The following ATG7 variants were observed in gnomAD, a reference collection of about 807,000 sequenced individuals.
The protein encoded by ATG7 is autophagy related 7, also known as ubiquitin-like modifier-activating enzyme ATG7.
In ATG7, 70 loss-of-function variants were observed where a neutral mutation model predicts 82.4. That is an observed-to-expected ratio of 0.85 (90% confidence interval 0.70 to 1.04). The LOEUF (loss-of-function observed/expected upper bound fraction) is 1.04. ATG7 is among the 50% of genes least tolerant of loss of function. The pLI is 0.00. For synonymous variants in ATG7, 287 were observed against 313.0 expected, an observed-to-expected ratio of 0.92 and a Z score of 0.88; for missense variants, 792 against 864.3, an observed-to-expected ratio of 0.92 and a Z score of 1.05.
intron 20 of ATG7, among the ~76,000 whole-genome samples, chr3:11,546,808 C>T (rs2071333264): frequency 6.6e-6 from 1 of 152,208 alleles, no homozygotes; most frequent in Non-Finnish European, 1.5e-5. Context: ...TGCCCTCTTC[C>T]ATTGCAGGGC....
chr3:11,464,174 C>A (rs1345253989), intron 20 of ATG7, among the ~76,000 whole-genome samples: 1 of 152,148 alleles, frequency 6.6e-6, no homozygotes, highest in Non-Finnish European at 1.5e-5. Flanking sequence ...GAGTTTGAGA[C>A]TAGCCTGGGC....
chr3:11,540,385 T>C (rs1454930871), intron 20 of ATG7, among the ~76,000 whole-genome samples: 2 of 152,226 alleles, frequency 1.3e-5, no homozygotes, highest in Non-Finnish European at 1.5e-5. Context: ...TTCTTTCAAA[T>C]CTTTTGCCCA....
At chr3:11,339,957 G>C (rs1953251247) in intron 11 of ATG7, among the ~76,000 whole-genome samples, 1 of 152,186 alleles carries the variant, frequency 6.6e-6, no homozygotes, top group African/African-American at 2.4e-5. Context: ...TTAGCTACAG[G>C]ATCCTTATCC....
At chr3:11,315,850 C>T (rs1408305330) in intron 9 of ATG7, among the ~76,000 whole-genome samples, 7 of 152,282 alleles carry the variant, frequency 4.6e-5, no homozygotes, top group South Asian at 4.2e-4. Flanking sequence ...GTCAGCCTCC[C>T]GAGTAGCTGG....
At chr3:11,548,028 G>GA (rs1326878075) in intron 20 of ATG7, among the ~76,000 whole-genome samples, 5 of 152,002 alleles carry the variant, frequency 3.3e-5, no homozygotes, top group African/African-American at 1.2e-4. Flanking sequence ...TTTTTTGATA[G>GA]AGACAGGATT....
At chr3:11,405,865 C>T (rs575242217) in intron 19 of ATG7, among the ~76,000 whole-genome samples, 60 of 152,092 alleles carry the variant, frequency 3.9e-4, no homozygotes, top group South Asian at 8.3e-4. Flanking sequence ...AGACATCCAC[C>T]GCCTTGGCCT....
chr3:11,445,929 ATTC>A (rs1467554251), intron 20 of ATG7, among the ~76,000 whole-genome samples: 1 of 152,040 alleles, frequency 6.6e-6, no homozygotes, highest in Non-Finnish European at 1.5e-5. Flanking sequence ...ACTTATTTGG[ATTC>A]TTCTTTTCTG....
the ATG7 span, among the ~76,000 whole-genome samples, chr3:11,568,133 G>A: frequency 6.6e-6 from 1 of 152,338 alleles, no homozygotes; most frequent in South Asian, 2.1e-4. This position sits in a 1 kb window ranked among gnomAD's most constrained non-coding sequence, Gnocchi z 5.9. Flanking sequence ...CTGGATCCGG[G>A]CAAGGATAAA....
At chr3:11,488,366 CCGGCGCGG>C in intron 20 of ATG7, 1 of 950,738 alleles carries the variant, frequency 1.1e-6, no homozygotes, top group Non-Finnish European at 1.4e-6. Context: ...GCGGCACTCG[CCGGCGCGG>C]CGGCAAAGAC....
intron 20 of ATG7, among the ~76,000 whole-genome samples, chr3:11,551,810 G>A (rs1169464994): frequency 6.6e-6 from 1 of 151,884 alleles, no homozygotes; most frequent in Non-Finnish European, 1.5e-5. Flanking sequence ...GTATAGTGGT[G>A]CGATCTCAGC....
chr3:11,419,168 TAA>T (rs2081696701), intron 19 of ATG7, among the ~76,000 whole-genome samples: 1 of 152,202 alleles, frequency 6.6e-6, no homozygotes, highest in South Asian at 2.1e-4. Flanking sequence ...AAGAAGTTAA[TAA>T]AAACTTCATG....
At chr3:11,459,650 A>G (rs2086115347) in intron 20 of ATG7, among the ~76,000 whole-genome samples, 1 of 152,198 alleles carries the variant, frequency 6.6e-6, no homozygotes, top group South Asian at 2.1e-4. Flanking sequence ...CAGCCAGAGT[A>G]ATGGGCTTTG....
Position 11,315,475 on chromosome 3 carries a change from C to G in ATG7, c.660C>G (p.Phe220Leu). 2 of 1,601,188 alleles carry G rather than the reference C, an allele frequency of 1.2e-6. No homozygotes were observed. Among genetic ancestry groups the G allele is most frequent in the Non-Finnish European group, 1.7e-6 (2 of 1,175,332 alleles). The change falls in exon 9 of 21, where the codon TTC (phenylalanine) becomes TTG (leucine). Residue 220 changes from phenylalanine to leucine, a missense_variant. Transcript: ENST00000693202. The part of the protein sequence containing the change: ...VSLLKHYSDF[F>L]QGQRTKITIG... Reference sequence around the variant, plus strand: ...TGCTTAAACACTACAGTGATTTCTTCCAAGGTCAAAGGACGAAGGTCAGAT... The same window carrying G: ...TGCTTAAACACTACAGTGATTTCTTGCAAGGTCAAAGGACGAAGGTCAGAT...
chr3:11,452,384 C>CAAAAAAAAAAA (rs34530409), intron 20 of ATG7, among the ~76,000 whole-genome samples: 1 of 58,414 alleles, frequency 1.7e-5, no homozygotes, highest in African/African-American at 7.6e-5. Context: ...GAACCTGTCT[C>CAAAAAAAAAAA]AAAAAAAAAA....
At chr3:11,405,282 C>T (rs2080220870) in intron 19 of ATG7, among the ~76,000 whole-genome samples, 1 of 152,062 alleles carries the variant, frequency 6.6e-6, no homozygotes, top group South Asian at 2.1e-4. Context: ...CACCCCCACC[C>T]CCTTGCCCCC....
At chr3:11,492,925 C>G (rs192763704) in intron 20 of ATG7, among the ~76,000 whole-genome samples, 2 of 152,356 alleles carry the variant, frequency 1.3e-5, no homozygotes, top group East Asian at 3.9e-4. Context: ...TTACAATGCT[C>G]TCTTAGCTCC....
chr3:11,458,824 C>A (rs1263319186), intron 20 of ATG7, among the ~76,000 whole-genome samples: 1 of 152,200 alleles, frequency 6.6e-6, no homozygotes, highest in Non-Finnish European at 1.5e-5. Context: ...TGTTAGGAAC[C>A]CGATCGCGCA....
intron 14 of ATG7, among the ~76,000 whole-genome samples, chr3:11,350,749 A>T (rs189956582): frequency 6.6e-6 from 1 of 152,030 alleles, no homozygotes; most frequent in East Asian, 1.9e-4. Context: ...AAGAGTGAGG[A>T]TATATAATAT....
chr3:11,318,648 G>A (rs1949775680), intron 9 of ATG7, among the ~76,000 whole-genome samples: 1 of 152,168 alleles, frequency 6.6e-6, no homozygotes, highest in Non-Finnish European at 1.5e-5. Context: ...TTGACTTCGG[G>A]ATAACGTTAA....
Sources: allele counts gnomAD v4.1 joint callset (sites outside exome capture counted in the v4.1 genomes callset), GRCh38; gene constraint gnomAD v4.1.1; non-coding constraint Gnocchi (gnomAD v3.1); transcripts MANE v1.5; gene names NCBI Gene and HGNC (gene_info 2026-07-23, HGNC 2026-07-21).